GDAP1: variants seen among roughly 807,000 people sequenced by gnomAD.
GDAP1 encodes the protein ganglioside-induced differentiation-associated protein 1.
In GDAP1, 34 loss-of-function variants were observed where a neutral mutation model predicts 40.1. The observed-to-expected ratio is 0.85, with a 90% confidence interval of 0.64 to 1.13. The LOEUF (loss-of-function observed/expected upper bound fraction) is 1.13, where lower values mean the gene tolerates loss of function less well. Among genes scored for constraint, GDAP1 ranks in the 50% most tolerant of loss-of-function variants. The pLI is 0.00. For missense variants in GDAP1, 374 were observed against 433.7 expected (o/e 0.86, Z 1.22); for synonymous variants, 170 against 157.4 (o/e 1.08, Z -0.60).
chr8:74,453,732 A>G lies in GDAP1; in HGVS notation c.166-34946A>G, dbSNP rs1479661411. ...TTAGGGCAAGCCAATTCTTCTCTTT[A>G]TCTCTCAGTTACCCATCTATAGAAT... On this transcript the variant is annotated intron_variant, in intron 2 of 2. Transcript: ENST00000523640. 2.4e-5 allele frequency among the ~76,000 whole-genome samples: 2 copies of G among 83,190 alleles called. 1 individual carries two copies. The highest frequency in any genetic ancestry group is 4.9e-5 in the Non-Finnish European group (2 of 40,964). 54.6% of individuals were successfully genotyped at this position (83,190 alleles called of 152,430 possible). A position where few individuals can be genotyped will look rare whatever the true frequency, so the allele number is the denominator to read the frequency against.
In GDAP1 at chr8:74,413,717, C is replaced by CT. The variant is rs79420778; in HGVS notation, c.165+62412dup. On this transcript the variant is annotated intron_variant, in intron 2 of 2. Coordinates refer to the GDAP1 transcript ENST00000523640. ...TAAGTGGGTGGAATAAACTCCTAAG[C>CT]TTTTTTTTTTTTTTTTCCTCATTGT... Among the ~76,000 whole-genome samples the CT allele has an allele frequency of 9.3e-3, 1,230 of 131,704 alleles. 8 individuals carry two copies. Among genetic ancestry groups the CT allele is most frequent in the Middle Eastern group, 0.016 (4 of 250 alleles). The allele number at this position is 131,704 out of a possible 152,430, so 86.4% of individuals were successfully genotyped here. A position where few individuals can be genotyped will look rare whatever the true frequency, so the allele number is the denominator to read the frequency against.
intron 2 of GDAP1, among the ~76,000 whole-genome samples, chr8:74,432,669 C>T (rs1173727096): frequency 2.0e-5 from 3 of 152,122 alleles, no homozygotes; most frequent in Admixed American, 6.6e-5. Context: ...ATTCCATCAG[C>T]GCCTTCCCTG....
chr8:74,468,111 G>A (rs1435187295), intron 2 of GDAP1, among the ~76,000 whole-genome samples: 2 of 150,720 alleles, frequency 1.3e-5, no homozygotes, highest in African/African-American at 4.9e-5. Flanking sequence ...TGGACTTACT[G>A]TTCTATTTTT....
At chr8:74,371,398 C>T (rs184919789), downstream of GDAP1, among the ~76,000 whole-genome samples, 6 of 152,282 alleles carry the variant, frequency 3.9e-5, no homozygotes, top group African/African-American at 7.2e-5. Context: ...CGGTGGCTCA[C>T]GCCTGTAATC....
chr8:74,391,131 C>T (rs1810101854), intron 2 of GDAP1, among the ~76,000 whole-genome samples: 1 of 152,024 alleles, frequency 6.6e-6, no homozygotes, highest in Non-Finnish European at 1.5e-5. Flanking sequence ...GGGGTGGGAT[C>T]TGCTGAGCCA....
intron 2 of GDAP1, among the ~76,000 whole-genome samples, chr8:74,435,788 A>AC (rs777108828): frequency 7.9e-5 from 12 of 152,110 alleles, no homozygotes; most frequent in Non-Finnish European, 1.6e-4. Flanking sequence ...ATTTCTCTTT[A>AC]CTTTTTCTTC....
chr8:74,355,503 G>A (rs1200427757), intron 2 of GDAP1, among the ~76,000 whole-genome samples: 2 of 152,142 alleles, frequency 1.3e-5, no homozygotes, highest in African/African-American at 4.8e-5. Flanking sequence ...TGAGCATGTG[G>A]TGAGGAATAG....
chr8:74,421,349 A>G (rs1805855571), intron 2 of GDAP1, among the ~76,000 whole-genome samples: 1 of 151,992 alleles, frequency 6.6e-6, no homozygotes, highest in African/African-American at 2.4e-5. Flanking sequence ...AGGGTTTATT[A>G]CATGTGCTTT....
intron 2 of GDAP1, among the ~76,000 whole-genome samples, chr8:74,444,103 T>C (rs778075988): frequency 2.2e-4 from 33 of 151,698 alleles, no homozygotes; most frequent in Non-Finnish European, 4.0e-4. Flanking sequence ...AAATTACCTA[T>C]TGCAAATGGT....
rs1483256090 is a variant in GDAP1 at position 74,366,691 on chromosome 8, T to C, written c.*2324T>C. ...TAAATACTATTGTTATTGCAGCAGA[T>C]GCCTTTTGAATCCATTTTCCATAAT... On this transcript the variant is annotated 3_prime_UTR_variant, in exon 6 of 6. Coordinates refer to ENST00000220822, the MANE Select transcript of GDAP1 (RefSeq NM_018972.4). 2 of 452,906 alleles carry C rather than the reference T, an allele frequency of 4.4e-6. No homozygotes were observed. The highest frequency in any genetic ancestry group is 2.4e-5 in the Admixed American group (1 of 42,448). The allele number at this position is 452,906 out of a possible 1,614,324, so 28.1% of individuals were successfully genotyped here.
intron 2 of GDAP1, among the ~76,000 whole-genome samples, chr8:74,445,512 C>T (rs990666249): frequency 3.9e-5 from 6 of 152,142 alleles, no homozygotes; most frequent in African/African-American, 1.4e-4. Flanking sequence ...CTACAACATT[C>T]TAGTATTGTG....
intron 2 of GDAP1, among the ~76,000 whole-genome samples, chr8:74,449,225 A>C (rs76168223): frequency 0.03 from 4,568 of 151,982 alleles, 230 homozygotes; most frequent in African/African-American, 0.1. Flanking sequence ...TATGATCCTA[A>C]TTCACCGTGT....
At chr8:74,422,285 T>C (rs559718868) in intron 2 of GDAP1, among the ~76,000 whole-genome samples, 43 of 87,714 alleles carry the variant, frequency 4.9e-4, no homozygotes, top group African/African-American at 8.6e-4. Flanking sequence ...TTCTTTTTTC[T>C]TTTCTTTCTT....
chr8:74,386,936 C>A (rs1810034500), intron 2 of GDAP1, among the ~76,000 whole-genome samples: 1 of 152,158 alleles, frequency 6.6e-6, no homozygotes. Flanking sequence ...ATTTTATTCT[C>A]TTTGAAGCAA....
chr8:74,434,706 C>CA (rs1466392220), intron 2 of GDAP1, among the ~76,000 whole-genome samples: 1 of 152,170 alleles, frequency 6.6e-6, no homozygotes, highest in African/African-American at 2.4e-5. Context: ...CATAATTTCA[C>CA]AAATTGCTCT....
intron 2 of GDAP1, among the ~76,000 whole-genome samples, chr8:74,400,474 A>C (rs1052051922): frequency 6.7e-6 from 1 of 149,606 alleles, no homozygotes; most frequent in Non-Finnish European, 1.5e-5. Context: ...TTTCCTGAAT[A>C]CAGCACACTG....
At position 74,416,685 on chromosome 8, in the gene GDAP1, A is replaced by T. The variant is rs115233102; in HGVS notation, c.165+65364A>T. On this transcript the variant is annotated intron_variant, in intron 2 of 2. Transcript: ENST00000523640. ...GGGAGACTTGAGGACAGGTCACATCATTGGGTCACTTGAAGACATTCCTTA... is the reference window on the plus strand; with the variant it reads ...GGGAGACTTGAGGACAGGTCACATCTTTGGGTCACTTGAAGACATTCCTTA... Among the ~76,000 whole-genome samples the T allele has an allele frequency of 4.5e-3, 669 of 149,904 alleles. 82 individuals are homozygous for T. Among genetic ancestry groups the T allele is most frequent in the African/African-American group, 0.016 (643 of 39,264 alleles).
At chr8:74,463,493 G>A (rs1806429780) in intron 2 of GDAP1, among the ~76,000 whole-genome samples, 1 of 151,744 alleles carries the variant, frequency 6.6e-6, no homozygotes, top group Non-Finnish European at 1.5e-5. Flanking sequence ...TTTTAACAGA[G>A]GTGCTACACA....
At chr8:74,458,203 CTT>C (rs1206671553) in intron 2 of GDAP1, among the ~76,000 whole-genome samples, 1 of 151,918 alleles carries the variant, frequency 6.6e-6, no homozygotes, top group Non-Finnish European at 1.5e-5. Flanking sequence ...AATACCTATA[CTT>C]TAGCAGTTTA....
Sources: gnomAD v4.1 joint callset for allele counts (sites outside exome capture counted in the v4.1 genomes callset) on GRCh38, gnomAD v4.1.1 for gene constraint, MANE v1.5 for transcripts, NCBI Gene and HGNC (gene_info 2026-07-23, HGNC 2026-07-21) for gene names.